The following KLHDC3 variants were observed in gnomAD, a reference collection of about 807,000 sequenced individuals.
KLHDC3 encodes the protein kelch domain-containing protein 3.
KLHDC3 carries 5 observed loss-of-function variants against 44.1 expected under a neutral mutation model. The ratio of observed to expected loss-of-function variants is 0.11; its 90% confidence interval spans 0.06 to 0.24. The LOEUF (loss-of-function observed/expected upper bound fraction) is 0.24. KLHDC3 is among the 10% of genes least tolerant of loss of function. KLHDC3 has a pLI of 1.00. For synonymous variants in KLHDC3, 170 were observed against 189.0 expected (o/e 0.90, Z 0.82); for missense variants, 247 against 514.3 (o/e 0.48, Z 5.03).
At chr6:43,016,000 A>G (rs1034741222) in intron 1 of KLHDC3, among the ~76,000 whole-genome samples, 1 of 148,158 alleles carries the variant, frequency 6.7e-6, no homozygotes, top group Non-Finnish European at 1.5e-5. Flanking sequence ...CAGTGGTGTG[A>G]TCTCGGCTCA....
Position 43,014,356 on chromosome 6 carries a change from G to A in KLHDC3, c.-60+8G>A. The A allele has an allele frequency of 3.2e-6, 2 of 619,756 alleles. No individual in the cohort carries two copies. Among genetic ancestry groups the A allele is most frequent in the Non-Finnish European group, 5.9e-6 (2 of 340,264 alleles). The allele number at this position is 619,756 out of a possible 1,614,324, so 38.4% of individuals were successfully genotyped here. A position where few individuals can be genotyped will look rare whatever the true frequency, so the allele number is the denominator to read the frequency against. On this transcript the variant is annotated splice_region_variant and intron_variant, in intron 1 of 10. Coordinates refer to ENST00000326974, the MANE Select transcript of KLHDC3 (RefSeq NM_057161.4). Reference sequence around the variant, plus strand: ...CCCGGCTCGGCCTGGCAGGTAGCCTGGGATGGGTAGAAGGGCAAGGGAGAA... The same window carrying A: ...CCCGGCTCGGCCTGGCAGGTAGCCTAGGATGGGTAGAAGGGCAAGGGAGAA...
At position 43,017,493 on chromosome 6, in the gene KLHDC3, A is replaced by C. The variant is rs748190022; in HGVS notation, c.155-26A>C. The C allele has an allele frequency of 1.9e-6, 3 of 1,570,838 alleles. No individual in the cohort carries two copies. Among genetic ancestry groups the C allele is most frequent in the Non-Finnish European group, 2.6e-6 (3 of 1,155,124 alleles). On this transcript the variant is annotated intron_variant, in intron 2 of 10. Coordinates refer to ENST00000326974, the MANE Select transcript of KLHDC3 (RefSeq NM_057161.4). This position sits in a 1 kb window ranked among gnomAD's most constrained non-coding sequence, Gnocchi z 6.0. ...GTGGACAGCCTGGAGGGAGGTTCCC[A>C]GGGCTGAGCAGAGCTGTGCCCACAG...
chr6:43,017,225 G>A lies in KLHDC3; in HGVS notation c.33G>A (p.Gly11=). The change falls in exon 2 of 11, where the codon GGG becomes GGA. Residue 11 remains glycine, a synonymous_variant. Transcript: ENST00000326974. The surrounding 1 kb of genome is among the most constrained non-coding windows in gnomAD (Gnocchi z 6.0). ...GGTGGACAGTGCACCTGGAGGGCGG[G>A]CCCCGCAGGGTGAACCATGCTGCAG... is the stretch of plus-strand genomic sequence containing the variant. MLRWTVHLEG[G]PRRVNHAAVA... is the part of the protein sequence containing the mutation. The A allele has an allele frequency of 6.2e-7, 1 of 1,614,004 alleles. No homozygotes were observed. Among genetic ancestry groups the A allele is most frequent in the Non-Finnish European group, 8.5e-7 (1 of 1,180,010 alleles).
chr6:43,018,996 T>A lies in KLHDC3; in HGVS notation c.929+25T>A. The stretch of plus-strand genomic sequence containing the variant: ...GGTTAGAAGGAGAGAGGGAAGGGGC[T>A]CAGGGAAGTCACTAATGGGAGAGTG... On this transcript the variant is annotated intron_variant, in intron 8 of 10. Transcript: ENST00000326974. The surrounding 1 kb of genome is among the most constrained non-coding windows in gnomAD (Gnocchi z 6.0). The A allele has an allele frequency of 6.4e-7, 1 of 1,563,922 alleles. No homozygotes were observed. The highest frequency in any genetic ancestry group is 8.8e-7 in the Non-Finnish European group (1 of 1,136,968).
In KLHDC3 at chr6:43,017,116, G is replaced by C. The variant is rs2150291161; in HGVS notation, c.-59-18G>C. 1.3e-6 allele frequency: 2 copies of C among 1,517,420 alleles called. No individual in the cohort carries two copies. Among genetic ancestry groups the C allele is most frequent in the South Asian group, 2.4e-5 (2 of 82,886 alleles). 94.0% of individuals were successfully genotyped at this position (1,517,420 alleles called of 1,614,324 possible). A position where few individuals can be genotyped will look rare whatever the true frequency, so the allele number is the denominator to read the frequency against. ...AGAAGCCTCGCCTGAGGATCCCGTGGCCCCAATTTGTGTGCAGATAGCAGA... is the reference window on the plus strand; with the variant it reads ...AGAAGCCTCGCCTGAGGATCCCGTGCCCCCAATTTGTGTGCAGATAGCAGA... On this transcript the variant is annotated intron_variant, in intron 1 of 10. Coordinates refer to ENST00000326974, the MANE Select transcript of KLHDC3 (RefSeq NM_057161.4). This position sits in a 1 kb window ranked among gnomAD's most constrained non-coding sequence, Gnocchi z 6.0.
intron 10 of KLHDC3, among the ~76,000 whole-genome samples, chr6:43,020,254 G>T (rs1762659093): frequency 6.6e-6 from 1 of 152,094 alleles, no homozygotes; most frequent in Admixed American, 6.6e-5. Context: ...AGCCTTAAAA[G>T]GATGGGAGTT....
At chr6:43,020,027 T>C (rs1374077327) in intron 10 of KLHDC3, among the ~76,000 whole-genome samples, 1 of 151,954 alleles carries the variant, frequency 6.6e-6, no homozygotes, top group African/African-American at 2.4e-5. Flanking sequence ...AATACAAAAA[T>C]TAGCTGGGCA....
Position 43,017,164 on chromosome 6 carries a change from G to C in KLHDC3, c.-29G>C. The C allele has an allele frequency of 6.2e-7, 1 of 1,602,518 alleles. No homozygotes were observed. The highest frequency in any genetic ancestry group is 1.7e-4 in the Middle Eastern group (1 of 5,940). On this transcript the variant is annotated 5_prime_UTR_variant, in exon 2 of 11. Coordinates refer to ENST00000326974, the MANE Select transcript of KLHDC3 (RefSeq NM_057161.4). The surrounding 1 kb of genome is among the most constrained non-coding windows in gnomAD (Gnocchi z 6.0). ...AGAGGCAGCAGGCCGTGCCGGGGGGGCATGTTGCTGTAACCAGTGGCCCAG... is the reference window on the plus strand; with the variant it reads ...AGAGGCAGCAGGCCGTGCCGGGGGGCCATGTTGCTGTAACCAGTGGCCCAG...
chr6:43,017,318 T>C lies in KLHDC3; in HGVS notation c.126T>C (p.Arg42=). The part of the protein sequence containing the change: ...YCSGEDYETL[R]QIDVHIFNAV... Reference sequence around the variant, plus strand: ...CTGGTGAAGACTATGAGACACTGCGTCAGATAGATGTGCACATTTTCAATG... The same window carrying C: ...CTGGTGAAGACTATGAGACACTGCGCCAGATAGATGTGCACATTTTCAATG... Residue 42 remains arginine, a synonymous_variant, in exon 2 of 11, where the codon CGT becomes CGC. Coordinates refer to ENST00000326974, the MANE Select transcript of KLHDC3 (RefSeq NM_057161.4). This position sits in a 1 kb window ranked among gnomAD's most constrained non-coding sequence, Gnocchi z 6.0. The C allele has an allele frequency of 6.2e-7, 1 of 1,613,988 alleles. No homozygotes were observed. The highest frequency in any genetic ancestry group is 1.3e-5 in the African/African-American group (1 of 75,028).
rs1460518929 is a variant in KLHDC3 at position 43,021,115 on chromosome 6, G to GCTTGAGC, written c.*395_*401dup. 4 of 474,470 alleles carry GCTTGAGC rather than the reference G, an allele frequency of 8.4e-6. No individual in the cohort carries two copies. Among genetic ancestry groups the GCTTGAGC allele is most frequent in the African/African-American group, 2.0e-5 (1 of 50,828 alleles). The allele number at this position is 474,470 out of a possible 1,614,324, so 29.4% of individuals were successfully genotyped here. On this transcript the variant is annotated 3_prime_UTR_variant, in exon 11 of 11. Transcript: ENST00000326974. ...CCCCTTTGCCTATCCCCTCCCCTCTGCTTGAGCCTTGAGCCTTGACTGGGA... is the reference window on the plus strand; with the variant it reads ...CCCCTTTGCCTATCCCCTCCCCTCTGCTTGAGCCTTGAGCCTTGAGCCTTGACTGGGA...
In KLHDC3 at chr6:43,017,553, G is replaced by C; in HGVS notation, c.189G>C (p.Lys63Asn). ...SLRWTKLPPV[K>N]SAIRGQAPVV... ...GTTGGACAAAGCTGCCCCCGGTGAAGTCTGCCATCCGTGGGCAAGCTCCTG... is the reference window on the plus strand; with the variant it reads ...GTTGGACAAAGCTGCCCCCGGTGAACTCTGCCATCCGTGGGCAAGCTCCTG... The change falls in exon 3 of 11, where the codon AAG (lysine) becomes AAC (asparagine). Residue 63 changes from lysine to asparagine, a missense_variant. Transcript: ENST00000326974. This position sits in a 1 kb window ranked among gnomAD's most constrained non-coding sequence, Gnocchi z 6.0. 1 of 1,610,378 alleles carries C rather than the reference G, an allele frequency of 6.2e-7. No homozygotes were observed. The highest frequency in any genetic ancestry group is 8.5e-7 in the Non-Finnish European group (1 of 1,177,690).
rs370727385 is a variant in KLHDC3 at position 43,017,386 on chromosome 6, G to C, written c.154+40G>C. 5.7e-6 allele frequency: 9 copies of C among 1,591,022 alleles called. No individual in the cohort carries two copies. Among genetic ancestry groups the C allele is most frequent in the Non-Finnish European group, 7.7e-6 (9 of 1,165,252 alleles). ...GGGCTGTCCCTGGGTCCCCACATCA[G>C]GGTGGGAACGGGCTGCTGATGAGGT... On this transcript the variant is annotated intron_variant, in intron 2 of 10. Transcript: ENST00000326974. This position sits in a 1 kb window ranked among gnomAD's most constrained non-coding sequence, Gnocchi z 6.0.
Position 43,017,451 on chromosome 6 carries a change from C to T in KLHDC3, c.155-68C>T. On this transcript the variant is annotated intron_variant, in intron 2 of 10. Transcript: ENST00000326974. The surrounding 1 kb of genome is among the most constrained non-coding windows in gnomAD (Gnocchi z 6.0). Reference sequence around the variant, plus strand: ...TGGGACCAAGGGGATTGGGGACAAACATCTGGTTTGGGAAAAGTGGACAGC... The same window carrying T: ...TGGGACCAAGGGGATTGGGGACAAATATCTGGTTTGGGAAAAGTGGACAGC... The T allele has an allele frequency of 5.1e-6, 8 of 1,562,030 alleles. No homozygotes were observed. The highest frequency in any genetic ancestry group is 3.6e-5 in the South Asian group (3 of 82,772).
Position 43,015,852 on chromosome 6 carries a change from TA to T in KLHDC3, c.-59-1261del, listed in dbSNP as rs561042959. Reference sequence around the variant, plus strand: ...CTGGGGGCAAGAGCGAGACTTCATCTAAAAAAAAAAAAAAAAAAAAAGACCA... The same window carrying T: ...CTGGGGGCAAGAGCGAGACTTCATCTAAAAAAAAAAAAAAAAAAAAGACCA... On this transcript the variant is annotated intron_variant, in intron 1 of 10. Coordinates refer to ENST00000326974, the MANE Select transcript of KLHDC3 (RefSeq NM_057161.4). 3.5e-3 allele frequency among the ~76,000 whole-genome samples: 351 copies of T among 100,562 alleles called. 1 individual carries two copies. The highest frequency in any genetic ancestry group is 6.2e-3 in the Admixed American group (60 of 9,608). 66.0% of individuals were successfully genotyped at this position (100,562 alleles called of 152,430 possible).
intron 10 of KLHDC3, 144 bp from the exon 11 acceptor site, chr6:43,020,523 T>G (rs1260993395): frequency 1.5e-5 from 10 of 648,816 alleles, no homozygotes; most frequent in Non-Finnish European, 8.5e-6. Context: ...TTCAACCTAG[T>G]AGGTCTCTTA....
intron 1 of KLHDC3, among the ~76,000 whole-genome samples, chr6:43,016,269 G>A (rs920902716): frequency 1.6e-4 from 25 of 152,062 alleles, no homozygotes; most frequent in Admixed American, 9.2e-4. Context: ...ACCTCTATCC[G>A]CCTTTCAGGA....
At position 43,018,775 on chromosome 6, in the gene KLHDC3, G is replaced by T; in HGVS notation, c.820+56G>T. 1 of 1,574,150 alleles carries T rather than the reference G, an allele frequency of 6.4e-7. No individual in the cohort carries two copies. The highest frequency in any genetic ancestry group is 8.7e-7 in the Non-Finnish European group (1 of 1,143,616). On this transcript the variant is annotated intron_variant, in intron 7 of 10. Coordinates refer to ENST00000326974, the MANE Select transcript of KLHDC3 (RefSeq NM_057161.4). This position sits in a 1 kb window ranked among gnomAD's most constrained non-coding sequence, Gnocchi z 6.0. Reference sequence around the variant, plus strand: ...AGGAGCAATTGAGGTGGGAGGAAAAGAAAATAATCCTGAGGCGGTGAGGGA... The same window carrying T: ...AGGAGCAATTGAGGTGGGAGGAAAATAAAATAATCCTGAGGCGGTGAGGGA...
intron 1 of KLHDC3, among the ~76,000 whole-genome samples, chr6:43,015,127 T>C (rs1008540473): frequency 6.6e-6 from 1 of 152,204 alleles, no homozygotes; most frequent in Non-Finnish European, 1.5e-5. Flanking sequence ...TAAGGGAGGA[T>C]GGAAGACTTC....
Position 43,017,395 on chromosome 6 carries a change from C to T in KLHDC3, c.154+49C>T, listed in dbSNP as rs527957044. The T allele has an allele frequency of 3.4e-5, 54 of 1,585,668 alleles. 1 individual carries two copies. In the Middle Eastern group the frequency reaches 1.0e-3, roughly 30 times the overall value. On this transcript the variant is annotated intron_variant, in intron 2 of 10. Coordinates refer to ENST00000326974, the MANE Select transcript of KLHDC3 (RefSeq NM_057161.4). This position sits in a 1 kb window ranked among gnomAD's most constrained non-coding sequence, Gnocchi z 6.0. Reference sequence around the variant, plus strand: ...CTGGGTCCCCACATCAGGGTGGGAACGGGCTGCTGATGAGGTTTGGCTGTG... The same window carrying T: ...CTGGGTCCCCACATCAGGGTGGGAATGGGCTGCTGATGAGGTTTGGCTGTG...
Sources: allele counts gnomAD v4.1 joint callset (sites outside exome capture counted in the v4.1 genomes callset), GRCh38; gene constraint gnomAD v4.1.1; non-coding constraint Gnocchi (gnomAD v3.1); transcripts MANE v1.5; gene names NCBI Gene and HGNC (gene_info 2026-07-23, HGNC 2026-07-21).